Variants in LRBA observed in about 807,000 individuals in gnomAD.
The protein encoded by LRBA is lipopolysaccharide-responsive and beige-like anchor protein.
Under a neutral mutation model 330.0 loss-of-function variants are expected in LRBA, and 176 were observed. The ratio of observed to expected loss-of-function variants is 0.53; its 90% CI spans 0.47 to 0.60. LRBA has a LOEUF of 0.60. Ranked by LOEUF, LRBA falls within the 20% of genes least tolerant of loss-of-function variation. LRBA has a pLI of 0.00. For synonymous variants in LRBA, 1,230 were observed against 1,193.0 expected (o/e 1.03, Z -0.64); for missense variants, 3,259 against 3,444.8 (o/e 0.95, Z 1.35).
intron 48 of LRBA, among the ~76,000 whole-genome samples, chr4:150,328,850 A>C (rs1733634625): frequency 6.6e-6 from 1 of 152,196 alleles, no homozygotes; most frequent in African/African-American, 2.4e-5. Flanking sequence ...GAAGCTATGA[A>C]TGATGACATT....
rs946043968 is a variant in LRBA at position 150,851,317 on chromosome 4, CA to C, written c.3826-416del. On this transcript the variant is annotated intron_variant, in intron 23 of 56. Transcript: ENST00000651943. ...ATAATGAAGAACCAACCAACAAAAA[CA>C]AAAAAAAGGAGGGTGGGACAGAGGA... 1.5e-3 allele frequency among the ~76,000 whole-genome samples: 232 copies of C among 151,318 alleles called. 1 individual carries two copies. Among genetic ancestry groups the C allele is most frequent in the African/African-American group, 5.3e-3 (217 of 41,310 alleles).
chr4:150,573,598 C>G lies in LRBA; in HGVS notation c.6330+14450G>C, dbSNP rs569277371. 4.6e-5 allele frequency among the ~76,000 whole-genome samples: 7 copies of G among 152,284 alleles called. No homozygotes were observed. In the South Asian group the frequency reaches 1.5e-3, roughly 32 times the overall value. ...CTCAATATGCTATCTTTTCTTGCCT[C>G]AATTCACTCTCTCCAAAAGTATCCA... is the stretch of plus-strand genomic sequence containing the variant. On this transcript the variant is annotated intron_variant, in intron 40 of 56. Transcript: ENST00000651943.
At chr4:150,756,896 T>C (rs1451618756) in intron 35 of LRBA, among the ~76,000 whole-genome samples, 1 of 152,194 alleles carries the variant, frequency 6.6e-6, no homozygotes, top group Non-Finnish European at 1.5e-5. Context: ...AAAACTCTTT[T>C]AGATCTTTCA....
chr4:150,571,922 C>A (rs533001716), intron 40 of LRBA, among the ~76,000 whole-genome samples: 1 of 151,152 alleles, frequency 6.6e-6, no homozygotes, highest in African/African-American at 2.4e-5. Context: ...CTGGTACGAC[C>A]CAAACTCCCA....
At chr4:150,912,618 C>T (rs1732138146) in intron 9 of LRBA, among the ~76,000 whole-genome samples, 1 of 152,192 alleles carries the variant, frequency 6.6e-6, no homozygotes, top group South Asian at 2.1e-4. Flanking sequence ...TGCGCCCCCA[C>T]CACCCGTGGT....
chr4:150,703,343 C>T (rs1024844403), intron 36 of LRBA, among the ~76,000 whole-genome samples: 1 of 152,068 alleles, frequency 6.6e-6, no homozygotes, highest in Non-Finnish European at 1.5e-5. Context: ...AATCTAGGAT[C>T]TCAAATGAAA....
At chr4:150,908,970 T>C in intron 9 of LRBA, 113 bp from the exon 10 acceptor site, 1 of 669,820 alleles carries the variant, frequency 1.5e-6, no homozygotes, top group South Asian at 2.1e-5. Context: ...TTTAACAGTA[T>C]TATATAAGAG....
intron 2 of LRBA, among the ~76,000 whole-genome samples, chr4:150,983,694 A>T (rs1362499862): frequency 1.3e-5 from 2 of 151,578 alleles, no homozygotes; most frequent in East Asian, 3.9e-4. Context: ...TCCTCAGGTG[A>T]TCCGCCTGCC....
intron 40 of LRBA, among the ~76,000 whole-genome samples, chr4:150,560,592 T>G (rs1768189432): frequency 6.6e-6 from 1 of 152,158 alleles, no homozygotes; most frequent in African/African-American, 2.4e-5. Context: ...TGGCCTCTTG[T>G]TTAAAGGGTT....
At chr4:150,903,998 G>A in intron 13 of LRBA, among the ~76,000 whole-genome samples, 1 of 152,120 alleles carries the variant, frequency 6.6e-6, no homozygotes, top group East Asian at 1.9e-4. Flanking sequence ...AAGGACCATG[G>A]TAGACAAGAA....
intron 48 of LRBA, among the ~76,000 whole-genome samples, chr4:150,348,022 C>A (rs1402900707): frequency 1.3e-5 from 2 of 152,160 alleles, no homozygotes; most frequent in South Asian, 2.1e-4. Context: ...GTCACACTAG[C>A]CACATTTCAA....
At chr4:150,480,848 A>G (rs142430963) in intron 42 of LRBA, among the ~76,000 whole-genome samples, 445 of 152,296 alleles carry the variant, frequency 2.9e-3, no homozygotes, top group African/African-American at 0.01. Flanking sequence ...AGCAACAGTC[A>G]AAATCCTCCT....
intron 37 of LRBA, among the ~76,000 whole-genome samples, chr4:150,631,577 T>C (rs974572820): frequency 4.6e-5 from 7 of 152,200 alleles, no homozygotes; most frequent in African/African-American, 9.7e-5. Context: ...CTTCCAAAAA[T>C]GTACCAGCAA....
In LRBA at chr4:150,290,703, C is replaced by T. The variant is rs537117783; in HGVS notation, c.8018-4669G>A. The stretch of plus-strand genomic sequence containing the variant: ...TACTGATGCAAATCCTAACCAAAGG[C>T]TGAAAAGGATACCCAGTGCATCTTT... On this transcript the variant is annotated intron_variant, in intron 53 of 56. Coordinates refer to ENST00000651943, the MANE Select transcript of LRBA (RefSeq NM_001364905.1). Among the ~76,000 whole-genome samples, 202 of 152,194 alleles carry T rather than the reference C, an allele frequency of 1.3e-3. 2 individuals are homozygous for T. The highest frequency in any genetic ancestry group is 4.6e-3 in the African/African-American group (193 of 41,518).
intron 37 of LRBA, among the ~76,000 whole-genome samples, chr4:150,615,621 T>G (rs186730927): frequency 6.6e-5 from 10 of 152,214 alleles, no homozygotes; most frequent in African/African-American, 2.2e-4. Flanking sequence ...AAAGAGAATG[T>G]GAGAGGAATA....
At chr4:150,503,260 G>A (rs184101392) in intron 40 of LRBA, among the ~76,000 whole-genome samples, 1 of 152,182 alleles carries the variant, frequency 6.6e-6, no homozygotes, top group Non-Finnish European at 1.5e-5. Flanking sequence ...GCCTCCTCAA[G>A]TGGGTCCCTG....
At chr4:150,795,156 T>C (rs769692607) in intron 34 of LRBA, among the ~76,000 whole-genome samples, 2 of 152,132 alleles carry the variant, frequency 1.3e-5, no homozygotes, top group Non-Finnish European at 2.9e-5. Flanking sequence ...TTTTATAAAG[T>C]GGCCTTGAAT....
chr4:150,345,811 A>C (rs1028988146), intron 48 of LRBA, among the ~76,000 whole-genome samples: 1 of 151,970 alleles, frequency 6.6e-6, no homozygotes, highest in Non-Finnish European at 1.5e-5. Flanking sequence ...TATTCCCCTC[A>C]ACCTTTTTTT....
chr4:150,282,455 T>A lies in LRBA; in HGVS notation c.8311A>T (p.Ile2771Leu). ...AGAGTCCCCAGGGCACTCACTCTTA[T>A]GTTATCATCTGTTTCCATCGTGGCC... is the stretch of plus-strand genomic sequence containing the variant. ...LQATMETDDN[I>L]RAIQLSRDGQ... Residue 2771 changes from isoleucine to leucine, a missense_variant, in exon 55 of 57, where the codon ATA becomes TTA. Transcript: ENST00000651943. 1 of 1,613,960 alleles carries A rather than the reference T, an allele frequency of 6.2e-7. No individual in the cohort carries two copies.
Sources: allele counts gnomAD v4.1 joint callset (sites outside exome capture counted in the v4.1 genomes callset), GRCh38; gene constraint gnomAD v4.1.1; transcripts MANE v1.5; gene names NCBI Gene and HGNC (gene_info 2026-07-23, HGNC 2026-07-21).